The following CCNB3 variants were observed in gnomAD, a reference collection of about 807,000 sequenced individuals.
The protein encoded by CCNB3 is G2/mitotic-specific cyclin-B3.
Under a neutral mutation model 68.0 loss-of-function variants are expected in CCNB3, and 12 were observed. The observed-to-expected ratio is 0.18, with a 90% CI of 0.11 to 0.29. CCNB3 has a LOEUF of 0.29. Among genes scored for constraint, CCNB3 ranks in the 10% least tolerant of loss-of-function variants. The probability of loss-of-function intolerance (pLI) is 1.00; values close to 1 mark genes in which losing one functional copy is unlikely to be tolerated. For missense variants in CCNB3, 904 were observed against 993.1 expected, an observed-to-expected ratio of 0.91 and a Z score of 1.21; for synonymous variants, 354 against 388.9, an observed-to-expected ratio of 0.91 and a Z score of 1.06.
At chrX:50,228,853 T>C (rs1388491916) in intron 1 of CCNB3, among the ~76,000 whole-genome samples, 1 of 73,675 alleles carries the variant, frequency 1.4e-5, no homozygotes, top group African/African-American at 5.5e-5. Context: ...ATAGAATATA[T>C]ATCTAGAATA....
intron 3 of CCNB3, 149 bp from the exon 4 acceptor site, chrX:50,288,631 T>C (rs555149806): frequency 1.2e-5 from 5 of 424,266 alleles, no homozygotes; most frequent in East Asian, 1.1e-4. Context: ...TGCCATAATT[T>C]CCTTTTGTTA....
chrX:50,208,765 T>A (rs78699231), intron 1 of CCNB3, among the ~76,000 whole-genome samples: 2 of 112,016 alleles, frequency 1.8e-5, no homozygotes, highest in Non-Finnish European at 3.8e-5. Flanking sequence ...TCATATAATA[T>A]GTTGGGAAGT....
chrX:50,226,924 A>T (rs1217011429), intron 1 of CCNB3, among the ~76,000 whole-genome samples: 4 of 66,276 alleles, frequency 6.0e-5, no homozygotes, highest in African/African-American at 3.4e-4. Flanking sequence ...ATATATATAG[A>T]ATATATATAG....
intron 1 of CCNB3, among the ~76,000 whole-genome samples, chrX:50,227,484 CA>C (rs1230653222): frequency 1.3e-5 from 1 of 76,286 alleles, no homozygotes; most frequent in African/African-American, 5.0e-5. Context: ...TATATATAGA[CA>C]GAATATATAT....
Position 50,284,606 on chromosome X carries a change from C to T in CCNB3, c.-48C>T, listed in dbSNP as rs1171743632. 1 of 113,953 alleles carries T rather than the reference C, an allele frequency of 8.8e-6. No individual in the cohort carries two copies. Among genetic ancestry groups the T allele is most frequent in the African/African-American group, 3.3e-5 (1 of 30,750 alleles). 9.4% of individuals were successfully genotyped at this position (113,953 alleles called of 1,213,427 possible). A position where few individuals can be genotyped will look rare whatever the true frequency, so the allele number is the denominator to read the frequency against. ...AGCCTTTGAATACTGCCTGGCCTAT[C>T]GCGAATACATGTGTGTGCAGTTATT... On this transcript the variant is annotated 5_prime_UTR_variant, in exon 2 of 13. Coordinates refer to ENST00000376042, the MANE Select transcript of CCNB3 (RefSeq NM_033031.3).
chrX:50,226,752 C>CATATGAATATGTACATAGAATATAT (rs1390265838), intron 1 of CCNB3, among the ~76,000 whole-genome samples: 6 of 75,566 alleles, frequency 7.9e-5, no homozygotes, highest in African/African-American at 3.2e-4. Context: ...ATAGAATATA[C>CATATGAATATGTACATAGAATATAT]ATATGAATAT....
chrX:50,223,383 T>C (rs968917886), intron 1 of CCNB3, among the ~76,000 whole-genome samples: 1 of 111,892 alleles, frequency 8.9e-6, no homozygotes, highest in Non-Finnish European at 1.9e-5. Flanking sequence ...CACTGGTTTT[T>C]CCTCATCTTC....
chrX:50,342,364 G>T, intron 9 of CCNB3, 25 bp downstream of exon 9: 1 of 1,157,897 alleles, frequency 8.6e-7, no homozygotes, highest in East Asian at 3.0e-5. Flanking sequence ...CTATGGCCTG[G>T]AGAACTAATC....
At chrX:50,227,684 T>G (rs1288468842) in intron 1 of CCNB3, among the ~76,000 whole-genome samples, 1 of 7,450 alleles carries the variant, frequency 1.3e-4, no homozygotes. Context: ...AGAATATATA[T>G]ATAAATATAT....
intron 1 of CCNB3, among the ~76,000 whole-genome samples, chrX:50,226,989 GAATA>G (rs1390356157): frequency 2.9e-5 from 2 of 68,630 alleles, no homozygotes; most frequent in East Asian, 8.2e-4. Context: ...TATATATATA[GAATA>G]TATAAATATA....
At chrX:50,348,745 A>G (rs1923529779) in intron 11 of CCNB3, among the ~76,000 whole-genome samples, 1 of 112,488 alleles carries the variant, frequency 8.9e-6, no homozygotes, top group Non-Finnish European at 1.9e-5. Flanking sequence ...AATAACTCCC[A>G]TGTTTACACA....
chrX:50,351,906 T>G lies in CCNB3; in HGVS notation c.*203T>G, dbSNP rs1457194586. Reference sequence around the variant, plus strand: ...AAATTTAATAAAAAATTAATGGTTATTGTTAAAATGGCTCATTTCCCCTCT... The same window carrying G: ...AAATTTAATAAAAAATTAATGGTTAGTGTTAAAATGGCTCATTTCCCCTCT... On this transcript the variant is annotated 3_prime_UTR_variant, in exon 13 of 13. Transcript: ENST00000376042. 3 of 357,008 alleles carry G rather than the reference T, an allele frequency of 8.4e-6. No homozygotes were observed. Among genetic ancestry groups the G allele is most frequent in the African/African-American group, 7.9e-5 (3 of 38,135 alleles). The allele number at this position is 357,008 out of a possible 1,213,427, so 29.4% of individuals were successfully genotyped here.
At chrX:50,330,728 C>A (rs1346773432) in intron 8 of CCNB3, among the ~76,000 whole-genome samples, 2 of 112,140 alleles carry the variant, frequency 1.8e-5, no homozygotes, top group Non-Finnish European at 3.8e-5. Flanking sequence ...GCCCCAAGAT[C>A]AAATCCATGC....
rs1921238995 is a variant in CCNB3, at chrX:50,308,970, T to A, written c.801T>A (p.Ser267Arg). 1 of 1,207,532 alleles carries A rather than the reference T, an allele frequency of 8.3e-7. No individual in the cohort carries two copies. The highest frequency in any genetic ancestry group is 1.1e-6 in the Non-Finnish European group (1 of 894,113). ...ATTCCTTCTTTATGGAGTCAATGAGTTTTAAGAAGAAGCCTAAAACTGAGG... is the reference window on the plus strand; with the variant it reads ...ATTCCTTCTTTATGGAGTCAATGAGATTTAAGAAGAAGCCTAAAACTGAGG... Reference protein sequence around the residue: ...EEDSFFMESMSFKKKPKTEES... With the variant: ...EEDSFFMESMRFKKKPKTEES... Residue 267 changes from serine (S) to arginine (R), a missense_variant, in exon 6 of 13, where the codon AGT (serine) becomes AGA (arginine). Around this residue, in one of 2 missense-constraint regions of CCNB3, gnomAD observed 619 missense variants for 609.8 expected, o/e 1.02. Transcript: ENST00000376042.
In CCNB3 at chrX:50,310,577, C is replaced by A. The variant is rs868958411; in HGVS notation, c.2408C>A (p.Ala803Asp). ...EGETLFKKLL[A>D]MQEEPSIEKE... ...GAGACCCTCTTCAAGAAGCTTTTGG[C>A]CATGCAGGAGGAGCCCAGCATTGAG... Residue 803 changes from alanine to aspartate, a missense_variant, in exon 6 of 13, where the codon GCC becomes GAC. By Grantham distance (126) the Ala-to-Asp change is moderately radical. Around this residue, in one of 2 missense-constraint regions of CCNB3, gnomAD observed 619 missense variants for 609.8 expected, o/e 1.02. Coordinates refer to ENST00000376042, the MANE Select transcript of CCNB3 (RefSeq NM_033031.3). 8.3e-7 allele frequency: 1 copy of A among 1,211,492 alleles called. No individual in the cohort carries two copies. The highest frequency in any genetic ancestry group is 1.1e-6 in the Non-Finnish European group (1 of 895,421).
chrX:50,302,089 G>T (rs1305940441), intron 5 of CCNB3, among the ~76,000 whole-genome samples: 1 of 112,545 alleles, frequency 8.9e-6, no homozygotes, highest in Non-Finnish European at 1.9e-5. Context: ...TCCTGGGTGA[G>T]GTGATGCTTC....
intron 8 of CCNB3, 69 bp from the exon 9 acceptor site, chrX:50,342,133 T>C (rs782719147): frequency 8.6e-7 from 1 of 1,160,878 alleles, no homozygotes; most frequent in South Asian, 1.8e-5. Flanking sequence ...TCCAGGTAGC[T>C]AGATCTGTCT....
chrX:50,316,578 C>T (rs1420648952), intron 8 of CCNB3, among the ~76,000 whole-genome samples: 9 of 111,840 alleles, frequency 8.0e-5, no homozygotes, highest in South Asian at 3.7e-4. Context: ...AGTTTGACTA[C>T]GCCATAAAAA....
chrX:50,334,432 A>G (rs782613209), intron 8 of CCNB3, among the ~76,000 whole-genome samples: 31 of 112,711 alleles, frequency 2.8e-4, no homozygotes, highest in African/African-American at 9.7e-4. Flanking sequence ...TTTGGTTTTC[A>G]TCAAAGTTAC....
Sources: gnomAD v4.1 joint callset for allele counts (sites outside exome capture counted in the v4.1 genomes callset) on GRCh38, gnomAD v4.1.1 for gene constraint, gnomAD v4.1.1 regional missense constraint, MANE v1.5 for transcripts, NCBI Gene and HGNC (gene_info 2026-07-23, HGNC 2026-07-21) for gene names.